NAAA: variants seen among roughly 807,000 people sequenced by gnomAD.
NAAA encodes the protein N-acylethanolamine-hydrolyzing acid amidase.
A neutral mutation model predicts 44.8 loss-of-function variants in NAAA; 39 were observed. That is an observed-to-expected ratio of 0.87 (90% CI 0.67 to 1.14). NAAA has a LOEUF of 1.14. NAAA is among the 50% of genes most tolerant of loss of function. The pLI, the probability that NAAA is intolerant of heterozygous loss-of-function variation, is 0.00. For missense variants in NAAA, 460 were observed against 467.8 expected, an observed-to-expected ratio of 0.98 and a Z score of 0.15; for synonymous variants, 178 against 191.3, an observed-to-expected ratio of 0.93 and a Z score of 0.58.
At chr4:75,923,122 G>A (rs1205627767) in intron 5 of NAAA, among the ~76,000 whole-genome samples, 3 of 151,486 alleles carry the variant, frequency 2.0e-5, no homozygotes, top group South Asian at 4.2e-4. Context: ...GTTGTCTGTT[G>A]GACCTGAACT....
intron 5 of NAAA, among the ~76,000 whole-genome samples, chr4:75,924,450 T>C (rs1726468671): frequency 6.6e-6 from 1 of 152,250 alleles, no homozygotes. Flanking sequence ...TCTGGAATTT[T>C]CCATTTCATA....
intron 1 of NAAA, 139 bp from the exon 2 acceptor site, chr4:75,940,304 C>T: frequency 1.2e-6 from 1 of 808,738 alleles, no homozygotes; most frequent in Non-Finnish European, 1.8e-6. Flanking sequence ...ACCGCCCAGG[C>T]GCGGCGTCAC....
intron 9 of NAAA, 99 bp from the exon 10 acceptor site, chr4:75,915,084 G>C: frequency 1.2e-6 from 1 of 866,622 alleles, no homozygotes; most frequent in Non-Finnish European, 1.9e-6. Context: ...TGAGATCTGG[G>C]ACAAGGCCCT....
intron 10 of NAAA, 78 bp downstream of exon 10, chr4:75,914,790 A>G: frequency 2.1e-6 from 2 of 973,544 alleles, no homozygotes; most frequent in Admixed American, 4.1e-5. Context: ...TATACATTTT[A>G]AGGATGTTAC....
chr4:75,939,519 G>A (rs1265061890), intron 2 of NAAA, among the ~76,000 whole-genome samples: 1 of 151,136 alleles, frequency 6.6e-6, no homozygotes, highest in African/African-American at 2.4e-5. Flanking sequence ...GGGTTCAAGT[G>A]ATTCTCCTGC....
At chr4:75,911,407 T>C (rs371925846), downstream of NAAA, 28 of 473,296 alleles carry the variant, frequency 5.9e-5, no homozygotes, top group Non-Finnish European at 1.2e-4. Flanking sequence ...AGAGAAAGAG[T>C]TCAATTAACA....
At chr4:75,912,202 C>T (rs1432457040), downstream of NAAA, among the ~76,000 whole-genome samples, 3 of 152,144 alleles carry the variant, frequency 2.0e-5, no homozygotes, top group Non-Finnish European at 4.4e-5. Context: ...CCCAAATTTC[C>T]GAAGATCATG....
intron 2 of NAAA, chr4:75,939,782 G>A (rs67297326): frequency 0.1 from 57,065 of 559,068 alleles, 4,858 homozygotes; most frequent in African/African-American, 0.33. Context: ...ACACGTAGAG[G>A]GAAAGTTTAG....
chr4:75,923,878 G>C (rs943888155), intron 5 of NAAA, among the ~76,000 whole-genome samples: 1 of 152,098 alleles, frequency 6.6e-6, no homozygotes, highest in African/African-American at 2.4e-5. Flanking sequence ...CAGTAAAGAA[G>C]CAGGCAACAT....
chr4:75,912,730 C>T (rs554862159), downstream of NAAA, among the ~76,000 whole-genome samples: 7 of 151,952 alleles, frequency 4.6e-5, no homozygotes, highest in Admixed American at 4.6e-4. Context: ...GCCGAGATTG[C>T]ACCACTGCAC....
chr4:75,939,901 G>A, intron 2 of NAAA, 100 bp downstream of exon 2: 3 of 1,398,806 alleles, frequency 2.1e-6, no homozygotes, highest in Non-Finnish European at 3.0e-6. Flanking sequence ...AGCAGGCACC[G>A]CCCTGTTTTT....
chr4:75,921,263 T>C, intron 5 of NAAA, 140 bp from the exon 6 acceptor site: 1 of 782,660 alleles, frequency 1.3e-6, no homozygotes, highest in Non-Finnish European at 1.9e-6. Flanking sequence ...CCTTATCCTC[T>C]TGTTATCAGG....
rs777312770 is a variant in NAAA at position 75,940,934 on chromosome 4, G to C, written c.16C>G (p.Arg6Gly). 4 of 1,497,504 alleles carry C rather than the reference G, an allele frequency of 2.7e-6. No individual in the cohort carries two copies. The highest frequency in any genetic ancestry group is 2.7e-6 in the Non-Finnish European group (3 of 1,132,034). 92.8% of individuals were successfully genotyped at this position (1,497,504 alleles called of 1,614,324 possible). Residue 6 changes from arginine to glycine, a missense_variant, in exon 1 of 11, where the codon CGG (arginine) becomes GGG (glycine). By Grantham distance (125) the Arg-to-Gly change is moderately radical. Coordinates refer to ENST00000286733, the MANE Select transcript of NAAA (RefSeq NM_014435.4). ...GACGGAAGCCCCGGGCGCGCCTCCC[G>C]GTCCGCGGTCCGCATGGCTCGGGCT... MRTAD[R>G]EARPGLPSLL...
intron 5 of NAAA, among the ~76,000 whole-genome samples, chr4:75,924,740 C>T (rs1726495469): frequency 6.6e-6 from 1 of 152,234 alleles, no homozygotes; most frequent in Admixed American, 6.5e-5. Context: ...CAAAGATTCT[C>T]TCCTTAACCA....
rs1725869211 is a variant in NAAA at position 75,918,802 on chromosome 4, A to C, written c.970-13T>G. 4 of 1,609,406 alleles carry C rather than the reference A, an allele frequency of 2.5e-6. No homozygotes were observed. Among genetic ancestry groups the C allele is most frequent in the Non-Finnish European group, 3.4e-6 (4 of 1,176,294 alleles). On this transcript the variant is annotated splice_polypyrimidine_tract_variant and intron_variant, in intron 8 of 10. Transcript: ENST00000286733. ...CCACCGACAAAATCTGCATAGGAAA[A>C]AGTCATTTTATAGAGAAGATTACAT...
chr4:75,931,665 C>G (rs1025517392), intron 3 of NAAA, among the ~76,000 whole-genome samples: 1 of 152,208 alleles, frequency 6.6e-6, no homozygotes, highest in Non-Finnish European at 1.5e-5. Flanking sequence ...GATATTTTCA[C>G]ATACACAATG....
intron 2 of NAAA, among the ~76,000 whole-genome samples, chr4:75,938,926 T>C (rs1475955744): frequency 1.3e-5 from 2 of 152,224 alleles, no homozygotes; most frequent in Non-Finnish European, 2.9e-5. Flanking sequence ...CTTGGCTCAC[T>C]GCAACCTCTG....
chr4:75,932,217 G>A (rs1727292473), intron 3 of NAAA, among the ~76,000 whole-genome samples: 1 of 152,080 alleles, frequency 6.6e-6, no homozygotes, highest in African/African-American at 2.4e-5. Flanking sequence ...CAACAAGAGT[G>A]AAACTCTGTC....
At chr4:75,933,505 G>A (rs1259894702) in intron 3 of NAAA, among the ~76,000 whole-genome samples, 3 of 152,080 alleles carry the variant, frequency 2.0e-5, no homozygotes, top group Non-Finnish European at 4.4e-5. Flanking sequence ...CACCTCATTT[G>A]CGTGACACCG....
Sources: gnomAD v4.1 joint callset for allele counts (sites outside exome capture counted in the v4.1 genomes callset) on GRCh38, gnomAD v4.1.1 for gene constraint, MANE v1.5 for transcripts, NCBI Gene and HGNC (gene_info 2026-07-23, HGNC 2026-07-21) for gene names.